Variants in FBXL7 observed in about 807,000 individuals in gnomAD.
FBXL7 encodes the protein F-box/LRR-repeat protein 7.
A neutral mutation model predicts 38.3 loss-of-function variants in FBXL7; 12 were observed. The observed-to-expected ratio is 0.31, with a 90% confidence interval of 0.20 to 0.51. The LOEUF is 0.51. Among genes scored for constraint, FBXL7 ranks in the 20% least tolerant of loss-of-function variants. The pLI, the probability that FBXL7 is intolerant of heterozygous loss-of-function variation, is 0.98. For synonymous variants in FBXL7, 297 were observed against 300.9 expected, an observed-to-expected ratio of 0.99 and a Z score of 0.13; for missense variants, 567 against 676.4, an observed-to-expected ratio of 0.84 and a Z score of 1.79.
At chr5:15,749,202 G>T (rs1193634056) in intron 2 of FBXL7, among the ~76,000 whole-genome samples, 1 of 129,140 alleles carries the variant, frequency 7.7e-6, no homozygotes, top group Admixed American at 9.2e-5. Flanking sequence ...CAGAGATCAT[G>T]CCACTGCACT....
chr5:15,567,563 C>G (rs1184099510), intron 1 of FBXL7, among the ~76,000 whole-genome samples: 2 of 151,466 alleles, frequency 1.3e-5, no homozygotes, highest in African/African-American at 2.4e-5. Context: ...ACCTTTTGCC[C>G]TTAAGTCTGT....
intron 1 of FBXL7, among the ~76,000 whole-genome samples, chr5:15,612,540 T>C (rs1465435922): frequency 6.6e-6 from 1 of 152,190 alleles, no homozygotes; most frequent in Non-Finnish European, 1.5e-5. Flanking sequence ...TTTTGTGCTT[T>C]CATTTTCATG....
intron 1 of FBXL7, among the ~76,000 whole-genome samples, chr5:15,508,445 G>A (rs770133964): frequency 2.0e-5 from 3 of 152,152 alleles, no homozygotes; most frequent in Non-Finnish European, 4.4e-5. Context: ...AGTTATATTT[G>A]GCTCAGTCTA....
chr5:15,914,879 A>G (rs1440651397), intron 2 of FBXL7, among the ~76,000 whole-genome samples: 1 of 152,210 alleles, frequency 6.6e-6, no homozygotes, highest in African/African-American at 2.4e-5. Context: ...AAGTGCTCAC[A>G]GTATACTGGA....
At chr5:15,535,740 G>C (rs1455825492) in intron 1 of FBXL7, among the ~76,000 whole-genome samples, 3 of 152,176 alleles carry the variant, frequency 2.0e-5, no homozygotes, top group Non-Finnish European at 4.4e-5. Flanking sequence ...GAGGGAAGCA[G>C]AACATAAAAG....
In FBXL7 at chr5:15,500,214, C is replaced by T. The variant is rs549492404; in HGVS notation, c.-463C>T. The T allele has an allele frequency of 2.6e-5, 4 of 152,134 alleles. No homozygotes were observed. The highest frequency in any genetic ancestry group is 4.4e-5 in the Non-Finnish European group (3 of 67,974). The allele number at this position is 152,134 out of a possible 1,614,324, so 9.4% of individuals were successfully genotyped here. ...CTAGTCTTCACTCGCTCCGGGGACC[C>T]GCAACAAGTGGCCGCCGCGCCCTCC... On this transcript the variant is annotated 5_prime_UTR_variant, in exon 1 of 4. Coordinates refer to ENST00000504595, the MANE Select transcript of FBXL7 (RefSeq NM_012304.5).
intron 1 of FBXL7, among the ~76,000 whole-genome samples, chr5:15,565,039 ATGC>A (rs1357634014): frequency 6.6e-6 from 1 of 152,138 alleles, no homozygotes; most frequent in Non-Finnish European, 1.5e-5. Context: ...TGTTTTCAAT[ATGC>A]TGCTATTAAA....
chr5:15,848,680 G>T (rs191428925), intron 2 of FBXL7, among the ~76,000 whole-genome samples: 2 of 152,102 alleles, frequency 1.3e-5, no homozygotes, highest in African/African-American at 4.8e-5. Flanking sequence ...ATCCCCGGCC[G>T]CATGTTTAAT....
chr5:15,671,181 G>C (rs753430602), intron 2 of FBXL7, among the ~76,000 whole-genome samples: 16 of 152,176 alleles, frequency 1.1e-4, no homozygotes, highest in South Asian at 2.1e-4. Context: ...AGAATGCAAA[G>C]TTGCTATAGT....
rs1316837031 is a variant in FBXL7 at position 15,545,411 on chromosome 5, C to T, written c.37+44698C>T. Among the ~76,000 whole-genome samples, 8 of 152,178 alleles carry T rather than the reference C, an allele frequency of 5.3e-5. No homozygotes were observed. In the East Asian group the frequency reaches 1.3e-3, roughly 26 times the overall value. On this transcript the variant is annotated intron_variant, in intron 1 of 3. Coordinates refer to ENST00000504595, the MANE Select transcript of FBXL7 (RefSeq NM_012304.5). ...GTAATGAGACTGAATGCACCATGAG[C>T]TGAGGATTCAACATGAACAAGACAG...
At chr5:15,684,467 G>A (rs1742949828) in intron 2 of FBXL7, among the ~76,000 whole-genome samples, 1 of 152,200 alleles carries the variant, frequency 6.6e-6, no homozygotes, top group African/African-American at 2.4e-5. Context: ...GTGGGAAAAT[G>A]TGTTAGGCAG....
At chr5:15,550,530 G>A (rs1335303833) in intron 1 of FBXL7, among the ~76,000 whole-genome samples, 1 of 125,760 alleles carries the variant, frequency 8.0e-6, no homozygotes, top group Admixed American at 7.2e-5. Flanking sequence ...TGCAGGCTGT[G>A]TCATCTTCTT....
At chr5:15,927,831 C>CCT (rs1470557123) in intron 2 of FBXL7, 59 bp from the exon 3 acceptor site, 1 of 1,326,178 alleles carries the variant, frequency 7.5e-7, no homozygotes, top group African/African-American at 1.5e-5. Context: ...GCTTTTGCTG[C>CCT]CTCCCTGGGG....
At chr5:15,595,264 G>A (rs1359926543) in intron 1 of FBXL7, among the ~76,000 whole-genome samples, 2 of 152,188 alleles carry the variant, frequency 1.3e-5, no homozygotes, top group African/African-American at 2.4e-5. Context: ...GTGGGGAAGG[G>A]ATCTCAGAGA....
At chr5:15,608,227 C>T (rs1479886799) in intron 1 of FBXL7, among the ~76,000 whole-genome samples, 1 of 152,120 alleles carries the variant, frequency 6.6e-6, no homozygotes. Flanking sequence ...AGGCATTGGT[C>T]ATGGTTTCAT....
At chr5:15,851,061 G>T (rs890455277) in intron 2 of FBXL7, among the ~76,000 whole-genome samples, 1 of 152,158 alleles carries the variant, frequency 6.6e-6, no homozygotes, top group Non-Finnish European at 1.5e-5. Context: ...ACTCTGAGAT[G>T]CAGCCTTTCT....
At chr5:15,689,217 C>T (rs1743107739) in intron 2 of FBXL7, among the ~76,000 whole-genome samples, 1 of 151,210 alleles carries the variant, frequency 6.6e-6, no homozygotes, top group South Asian at 2.1e-4. Context: ...ACTCTTTTCT[C>T]TGTTCTAAAT....
intron 2 of FBXL7, among the ~76,000 whole-genome samples, chr5:15,767,174 G>A (rs1259558576): frequency 1.3e-5 from 2 of 151,814 alleles, no homozygotes; most frequent in Admixed American, 6.6e-5. Context: ...CACTGCCCCC[G>A]ACAGCCCCCA....
intron 1 of FBXL7, chr5:15,580,949 T>G: frequency 3.0e-6 from 1 of 333,002 alleles, no homozygotes; most frequent in Non-Finnish European, 4.3e-6. Context: ...GGCCTCTCTC[T>G]AGATCCAGGG....
Sources: allele counts gnomAD v4.1 joint callset (sites outside exome capture counted in the v4.1 genomes callset), GRCh38; gene constraint gnomAD v4.1.1; transcripts MANE v1.5; gene names NCBI Gene and HGNC (gene_info 2026-07-23, HGNC 2026-07-21).